ZC3H12A: variants seen among roughly 807,000 people sequenced by gnomAD.
ZC3H12A encodes zinc finger CCCH-type containing 12A, also known as endoribonuclease ZC3H12A.
ZC3H12A carries 9 observed loss-of-function variants against 29.9 expected under a neutral mutation model. The observed-to-expected ratio is 0.30, with a 90% CI of 0.18 to 0.53. ZC3H12A has a LOEUF of 0.53. Ranked by LOEUF, ZC3H12A falls within the 20% of genes least tolerant of loss-of-function variation. ZC3H12A has a pLI of 0.96. For synonymous variants in ZC3H12A, 323 were observed against 338.1 expected (o/e 0.96, Z 0.49); for missense variants, 617 against 799.0 (o/e 0.77, Z 2.75).
intron 3 of ZC3H12A, 103 bp from the exon 4 acceptor site, chr1:37,481,471 AGTTAGTTCTTGCCCCGGTGACCTTGGC>A: frequency 2.5e-6 from 2 of 805,938 alleles, no homozygotes; most frequent in Non-Finnish European, 4.0e-6. Flanking sequence ...GCCTCAGCAG[AGTTAGTTCTTGCCCCGGTGACCTTGGC>A]GTTAACCACT....
Position 37,479,190 on chromosome 1 carries a change from T to C in ZC3H12A, c.444-1100T>C. The C allele has an allele frequency of 1.0e-6, 1 of 985,434 alleles. No homozygotes were observed. Among genetic ancestry groups the C allele is most frequent in the Non-Finnish European group, 1.2e-6 (1 of 829,920 alleles). The allele number at this position is 985,434 out of a possible 1,614,324, so 61.0% of individuals were successfully genotyped here. On this transcript the variant is annotated intron_variant, in intron 2 of 5. Transcript: ENST00000373087. The surrounding 1 kb of genome is among the most constrained non-coding windows in gnomAD (Gnocchi z 4.5). ...CAGTGAGACGTGGGGCTGCTGGTCC[T>C]AGGAGCTCTTCCATGACACCTAGTG...
In ZC3H12A at chr1:37,480,420, C is replaced by G. The variant is rs1488529522; in HGVS notation, c.574C>G (p.Pro192Ala). ...GAAGGAGCAGCCTCGGCCCGACGTGCCCATCACAGGTGAGTGGTGCCTCTG... is the reference window on the plus strand; with the variant it reads ...GAAGGAGCAGCCTCGGCCCGACGTGGCCATCACAGGTGAGTGGTGCCTCTG... ...WRKEQPRPDV[P>A]ITDQHILREL... The change falls in exon 3 of 6, where the codon CCC (proline) becomes GCC (alanine). Residue 192 changes from proline to alanine, a missense_variant. This residue lies in a region of ZC3H12A where 255 missense variants were observed against 402.5 expected (regional missense o/e 0.63). Transcript: ENST00000373087. 6.2e-7 allele frequency: 1 copy of G among 1,612,258 alleles called. No homozygotes were observed. The highest frequency in any genetic ancestry group is 8.5e-7 in the Non-Finnish European group (1 of 1,178,872).
Position 37,478,670 on chromosome 1 carries a change from C to T in ZC3H12A, c.444-1620C>T, listed in dbSNP as rs1445285602. The T allele has an allele frequency of 2.1e-5, 4 of 190,080 alleles. No individual in the cohort carries two copies. The highest frequency in any genetic ancestry group is 3.9e-5 in the Non-Finnish European group (4 of 102,684). The allele number at this position is 190,080 out of a possible 1,614,324, so 11.8% of individuals were successfully genotyped here. On this transcript the variant is annotated intron_variant, in intron 2 of 5. Coordinates refer to ENST00000373087, the MANE Select transcript of ZC3H12A (RefSeq NM_025079.3). This position sits in a 1 kb window ranked among gnomAD's most constrained non-coding sequence, Gnocchi z 5.2. ...CCCTGGGCTTGCGTCTCTCTTCCAC[C>T]GTTAACTGCTGTGTGACCCTGGTGA...
In ZC3H12A at chr1:37,483,430, G is replaced by C. The variant is rs1557596833; in HGVS notation, c.1619G>C (p.Arg540Thr). ...EPPVQSPGAG[R>T]SPWGRAGSLA... Reference sequence around the variant, plus strand: ...CCAGTGCAGAGCCCAGGGGCTGGCAGGAGCCCGTGGGGCAGGGCAGGCAGC... The same window carrying C: ...CCAGTGCAGAGCCCAGGGGCTGGCACGAGCCCGTGGGGCAGGGCAGGCAGC... Residue 540 changes from arginine to threonine, a missense_variant, in exon 6 of 6, where the codon AGG becomes ACG. Physicochemically the swap from Arg to Thr is moderately conservative, Grantham distance 71 (BLOSUM62 -1). Around this residue, in one of 5 missense-constraint regions of ZC3H12A, gnomAD observed 172 missense variants for 203.1 expected, o/e 0.85. Coordinates refer to ENST00000373087, the MANE Select transcript of ZC3H12A (RefSeq NM_025079.3). 1.2e-6 allele frequency: 2 copies of C among 1,614,020 alleles called. No individual in the cohort carries two copies. Among genetic ancestry groups the C allele is most frequent in the Non-Finnish European group, 1.7e-6 (2 of 1,179,982 alleles).
intron 4 of ZC3H12A, 24 bp from the exon 5 acceptor site, chr1:37,482,408 CAG>C (rs1268846074): frequency 8.2e-6 from 13 of 1,592,880 alleles, no homozygotes; most frequent in Admixed American, 1.7e-5. Context: ...CTCCCACCTC[CAG>C]AGAGTTCTTT....
rs1641736203 is a variant in ZC3H12A, at chr1:37,482,761, A to G, written c.950A>G (p.Lys317Arg). 6.2e-7 allele frequency: 1 copy of G among 1,614,080 alleles called. No homozygotes were observed. Among genetic ancestry groups the G allele is most frequent in the Non-Finnish European group, 8.5e-7 (1 of 1,180,018 alleles). ...GGAAGGAAATGCACCTATGGGATCA[A>G]GTGCCGATTCTTCCACCCAGAGCGG... is the stretch of plus-strand genomic sequence containing the variant. ...PYGRKCTYGI[K>R]CRFFHPERPS... is the part of the protein sequence containing the mutation. The change falls in exon 6 of 6, where the codon AAG becomes AGG. Residue 317 changes from lysine to arginine, a missense_variant. Lys to Arg is a conservative substitution (Grantham distance 26). Transcript: ENST00000373087.
chr1:37,481,942 C>T, intron 4 of ZC3H12A, 107 bp downstream of exon 4: 1 of 1,167,860 alleles, frequency 8.6e-7, no homozygotes. Context: ...GGCCCTGTGG[C>T]CATGGGAGGT....
chr1:37,482,420 T>C lies in ZC3H12A; in HGVS notation c.819-14T>C. On this transcript the variant is annotated splice_polypyrimidine_tract_variant and intron_variant, in intron 4 of 5. Transcript: ENST00000373087. The stretch of plus-strand genomic sequence containing the variant: ...TGGCTCCCACCTCCAGAGAGTTCTT[T>C]GCACCCTCTGCAGGTTTATGCCCCC... The C allele has an allele frequency of 6.2e-7, 1 of 1,603,404 alleles. No homozygotes were observed. Among genetic ancestry groups the C allele is most frequent in the East Asian group, 2.2e-5 (1 of 44,732 alleles).
intron 3 of ZC3H12A, 84 bp from the exon 4 acceptor site, chr1:37,481,517 T>G (rs1233686156): frequency 1.9e-5 from 26 of 1,355,200 alleles, no homozygotes. Flanking sequence ...CTCCTGTGTG[T>G]GGCCATCAGC....
chr1:37,482,962 A>G lies in ZC3H12A; in HGVS notation c.1151A>G (p.Gln384Arg), dbSNP rs377519112. The change falls in exon 6 of 6, where the codon CAG becomes CGG. Residue 384 changes from glutamine to arginine, a missense_variant. Around this residue, in one of 5 missense-constraint regions of ZC3H12A, gnomAD observed 115 missense variants for 112.5 expected, o/e 1.02. Coordinates refer to ENST00000373087, the MANE Select transcript of ZC3H12A (RefSeq NM_025079.3). Reference sequence around the variant, plus strand: ...CTGGATGGGAAGAAGCTGGGGGCCCAGGCATCCCCAGGGTCCCGCCAAGAG... The same window carrying G: ...CTGGATGGGAAGAAGCTGGGGGCCCGGGCATCCCCAGGGTCCCGCCAAGAG... ...CSLDGKKLGA[Q>R]ASPGSRQEGL... 1.7e-5 allele frequency: 27 copies of G among 1,612,422 alleles called. No individual in the cohort carries two copies. Among genetic ancestry groups the G allele is most frequent in the Non-Finnish European group, 2.0e-5 (24 of 1,179,558 alleles).
Position 37,481,851 on chromosome 1 carries a change from G to T in ZC3H12A, c.818+16G>T. 6.2e-7 allele frequency: 1 copy of T among 1,607,436 alleles called. No individual in the cohort carries two copies. Among genetic ancestry groups the T allele is most frequent in the Non-Finnish European group, 8.5e-7 (1 of 1,176,582 alleles). On this transcript the variant is annotated intron_variant, in intron 4 of 5. Transcript: ENST00000373087. The stretch of plus-strand genomic sequence containing the variant: ...TCAATGACAAGTATGTTCCCTCCCA[G>T]AGGCCCTGACAGACTTGGGGTCCAC...
rs763367213 is a variant in ZC3H12A, at chr1:37,483,259, C to T, written c.1448C>T (p.Ala483Val). The T allele has an allele frequency of 6.2e-7, 1 of 1,614,030 alleles. No individual in the cohort carries two copies. Residue 483 changes from alanine (A) to valine (V), a missense_variant, in exon 6 of 6, where the codon GCC becomes GTC. Coordinates refer to ENST00000373087, the MANE Select transcript of ZC3H12A (RefSeq NM_025079.3). ...GGATCTGAGCTCCCAGCCACCGCAGCCTTCTCTGCCTTTGGCCGGGCCATG... is the reference window on the plus strand; with the variant it reads ...GGATCTGAGCTCCCAGCCACCGCAGTCTTCTCTGCCTTTGGCCGGGCCATG... The part of the protein sequence containing the change: ...PYGSELPATA[A>V]FSAFGRAMGA...
chr1:37,482,952 C>A lies in ZC3H12A; in HGVS notation c.1141C>A (p.Leu381Met), dbSNP rs199987616. The A allele has an allele frequency of 6.2e-7, 1 of 1,613,102 alleles. No homozygotes were observed. Among genetic ancestry groups the A allele is most frequent in the East Asian group, 2.2e-5 (1 of 44,870 alleles). The change falls in exon 6 of 6, where the codon CTG becomes ATG. Residue 381 changes from leucine to methionine, a missense_variant. Physicochemically the swap from Leu to Met is conservative, Grantham distance 15. This residue lies in a region of ZC3H12A where 115 missense variants were observed against 112.5 expected (regional missense o/e 1.02). Coordinates refer to ENST00000373087, the MANE Select transcript of ZC3H12A (RefSeq NM_025079.3). ...SEQCSLDGKKLGAQASPGSRQ... is the reference protein window; with the variant it reads ...SEQCSLDGKKMGAQASPGSRQ... ...GCAGTGCAGCCTGGATGGGAAGAAG[C>A]TGGGGGCCCAGGCATCCCCAGGGTC...
intron 3 of ZC3H12A, 28 bp downstream of exon 3, chr1:37,480,457 G>T (rs1641680561): frequency 1.2e-6 from 2 of 1,600,884 alleles, no homozygotes; most frequent in African/African-American, 1.3e-5. Context: ...AGGTGGGATG[G>T]TCTTACTGCC....
At chr1:37,477,547 CCT>C (rs1425698559) in intron 2 of ZC3H12A, among the ~76,000 whole-genome samples, 4 of 152,206 alleles carry the variant, frequency 2.6e-5, no homozygotes, top group African/African-American at 4.8e-5. Context: ...GGGAAATTCA[CCT>C]CTGTTTCCTT....
rs980797056 is a variant in ZC3H12A at position 37,476,411 on chromosome 1, T to A, written c.443+472T>A. Among the ~76,000 whole-genome samples, 1 of 152,202 alleles carries A rather than the reference T, an allele frequency of 6.6e-6. No individual in the cohort carries two copies. The highest frequency in any genetic ancestry group is 1.5e-5 in the Non-Finnish European group (1 of 68,026). On this transcript the variant is annotated intron_variant, in intron 2 of 5. Transcript: ENST00000373087. The surrounding 1 kb of genome is among the most constrained non-coding windows in gnomAD (Gnocchi z 6.0). ...GTTGTTGTTATTTCAGGGGCTGGGC[T>A]TCTGAGGCCTTCTTGTCTCAGACCT...
Position 37,475,662 on chromosome 1 carries a change from C to T in ZC3H12A, c.166C>T (p.Arg56Trp), listed in dbSNP as rs369620288. Residue 56 changes from arginine to tryptophan, a missense_variant, in exon 2 of 6, where the codon CGG becomes TGG. Physicochemically the swap from Arg to Trp is moderately radical, Grantham distance 101. Coordinates refer to ENST00000373087, the MANE Select transcript of ZC3H12A (RefSeq NM_025079.3). This position sits in a 1 kb window ranked among gnomAD's most constrained non-coding sequence, Gnocchi z 5.2. ...ACTGCAGATGAAGGTGGACTTCTTC[C>T]GGAAGCTGGGCTATTCATCCACGGA... Reference protein sequence around the residue: ...LELQMKVDFFRKLGYSSTEIH... With the variant: ...LELQMKVDFFWKLGYSSTEIH... The T allele has an allele frequency of 8.1e-6, 13 of 1,614,034 alleles. No homozygotes were observed. In the Admixed American group the frequency reaches 8.3e-5, roughly 10 times the overall value.
At chr1:37,474,782 C>T (rs1382736490) in intron 1 of ZC3H12A, among the ~76,000 whole-genome samples, 153 bp downstream of exon 1, 1 of 151,964 alleles carries the variant, frequency 6.6e-6, no homozygotes, top group African/African-American at 2.4e-5. Flanking sequence ...TTCCCCGGCC[C>T]GCCGGGCCTC....
chr1:37,482,920 A>AGT lies in ZC3H12A; in HGVS notation c.1110_1111insTG (p.Ser371Ter), dbSNP rs1641741399. The AGT allele has an allele frequency of 6.2e-7, 1 of 1,613,598 alleles. No individual in the cohort carries two copies. The highest frequency in any genetic ancestry group is 1.3e-5 in the African/African-American group (1 of 74,928). On this transcript the variant is annotated frameshift_variant, in exon 6 of 6. Transcript: ENST00000373087. LOFTEE classifies it low-confidence loss of function (END_TRUNC). ...TCCCAGTCCAGCTCTCTGCTAACAG[A>AGT]GAGTGAGCAGTGCAGCCTGGATGGG...
Sources: allele counts gnomAD v4.1 joint callset (sites outside exome capture counted in the v4.1 genomes callset), GRCh38; gene constraint gnomAD v4.1.1; regional missense constraint gnomAD v4.1.1; non-coding constraint Gnocchi (gnomAD v3.1); transcripts MANE v1.5; gene names NCBI Gene and HGNC (gene_info 2026-07-23, HGNC 2026-07-21).